The following SLX4 variants were observed in gnomAD, a reference collection of about 807,000 sequenced individuals.
SLX4 encodes the protein SLX4 structure-specific endonuclease subunit, also known as structure-specific endonuclease subunit SLX4.
In SLX4, 112 loss-of-function variants were observed where a neutral mutation model predicts 146.2. The ratio of observed to expected loss-of-function variants is 0.77; its 90% confidence interval spans 0.66 to 0.90. The LOEUF is 0.90. SLX4 is among the 40% of genes least tolerant of loss of function. The pLI, the probability that SLX4 is intolerant of heterozygous loss-of-function variation, is 0.00. For missense variants in SLX4, 2,563 were observed against 2,392.7 expected (o/e 1.07, Z -1.49); for synonymous variants, 1,061 against 997.7 (o/e 1.06, Z -1.20).
chr16:3,583,045 A>G, intron 14 of SLX4, 52 bp downstream of exon 14: 4 of 1,603,020 alleles, frequency 2.5e-6, no homozygotes, highest in Non-Finnish European at 3.4e-6. Context: ...CCTCACGCCC[A>G]CGGGCCAGAG....
chr16:3,587,841 G>A (rs995148098), intron 12 of SLX4, among the ~76,000 whole-genome samples: 4 of 152,156 alleles, frequency 2.6e-5, no homozygotes, highest in African/African-American at 7.2e-5. Context: ...CCCCCAGGCC[G>A]CAGGCAGGTG....
Position 3,608,904 on chromosome 16 carries a change from A to ACAGATGAG in SLX4, c.53_60dup (p.Ser21LeufsTer26). 1 of 1,614,208 alleles carries ACAGATGAG rather than the reference A, an allele frequency of 6.2e-7. No homozygotes were observed. Among genetic ancestry groups the ACAGATGAG allele is most frequent in the South Asian group, 1.1e-5 (1 of 91,090 alleles). ...CGAGGGTCAATCCCAGGACAGGCAG[A>ACAGATGAG]CAGATGAGAAAGTGAACCCAAGTAG... On this transcript the variant is annotated frameshift_variant, in exon 2 of 15. Transcript: ENST00000294008. LOFTEE classifies it high-confidence loss of function.
At position 3,589,912 on chromosome 16, in the gene SLX4, C is replaced by G. The variant is rs2040561177; in HGVS notation, c.3726G>C (p.Glu1242Asp). 1 of 1,613,890 alleles carries G rather than the reference C, an allele frequency of 6.2e-7. No individual in the cohort carries two copies. The highest frequency in any genetic ancestry group is 1.1e-5 in the South Asian group (1 of 91,076). The change falls in exon 12 of 15, where the codon GAG becomes GAC. Residue 1242 changes from glutamate (E) to aspartate (D), a missense_variant. By Grantham distance (45) the Glu-to-Asp change is conservative. Transcript: ENST00000294008. This position sits in a 1 kb window ranked among gnomAD's most constrained non-coding sequence, Gnocchi z 6.2. ...RGAPWLFCDR[E>D]SSPSEASTTD... Reference sequence around the variant, plus strand: ...TGGTGCTGGCCTCGCTGGGGCTGCTCTCACGGTCACAGAACAGCCAGGGAG... The same window carrying G: ...TGGTGCTGGCCTCGCTGGGGCTGCTGTCACGGTCACAGAACAGCCAGGGAG...
Position 3,603,494 on chromosome 16 carries a change from A to G in SLX4, c.761-1187T>C, listed in dbSNP as rs370799312. Among the ~76,000 whole-genome samples, 3 of 152,362 alleles carry G rather than the reference A, an allele frequency of 2.0e-5. No homozygotes were observed. The East Asian group carries it at 5.8e-4, about 29-fold the overall frequency. On this transcript the variant is annotated intron_variant, in intron 3 of 14. Coordinates refer to ENST00000294008, the MANE Select transcript of SLX4 (RefSeq NM_032444.4). ...TCCTCTGCAACTCACATGTGCGTCC[A>G]GGACTGATGCCTCGGCAGGACATCA...
chr16:3,593,507 C>T lies in SLX4; in HGVS notation c.2161-642G>A, dbSNP rs1193895919. Among the ~76,000 whole-genome samples the T allele has an allele frequency of 3.9e-5, 6 of 152,214 alleles. No homozygotes were observed. The East Asian group carries it at 5.8e-4, about 15-fold the overall frequency. ...TACGGGGATCTCAGGCATGAGCCGCCGTGCCTGGTCCCTAGTCTTAAAAGC... is the reference window on the plus strand; with the variant it reads ...TACGGGGATCTCAGGCATGAGCCGCTGTGCCTGGTCCCTAGTCTTAAAAGC... On this transcript the variant is annotated intron_variant, in intron 10 of 14. Transcript: ENST00000294008.
chr16:3,589,806 GGCT>G lies in SLX4; in HGVS notation c.3829_3831del (p.Ser1277del), dbSNP rs1303839570. On this transcript the variant is annotated inframe_deletion, in exon 12 of 15. Transcript: ENST00000294008. This position sits in a 1 kb window ranked among gnomAD's most constrained non-coding sequence, Gnocchi z 6.2. The stretch of plus-strand genomic sequence containing the variant: ...GCCTGCACGGCCAGCCCGCTCCTGA[GGCT>G]GCTGATTTGGGTCTGGGAAGAACAG... 1 of 1,613,338 alleles carries G rather than the reference GGCT, an allele frequency of 6.2e-7. No individual in the cohort carries two copies. Among genetic ancestry groups the G allele is most frequent in the African/African-American group, 1.3e-5 (1 of 74,922 alleles).
chr16:3,586,779 C>T (rs2040512930), intron 12 of SLX4, among the ~76,000 whole-genome samples: 1 of 150,456 alleles, frequency 6.6e-6, no homozygotes, highest in South Asian at 2.1e-4. Context: ...GATCGTGCCA[C>T]TGCACTCTAG....
intron 3 of SLX4, among the ~76,000 whole-genome samples, chr16:3,605,121 G>T (rs561133986): frequency 1.3e-5 from 2 of 151,076 alleles, no homozygotes; most frequent in Admixed American, 6.6e-5. Context: ...TCAGAGTCTT[G>T]CTCTGTTGCC....
At position 3,608,999 on chromosome 16, in the gene SLX4, G is replaced by A. The variant is rs761077424; in HGVS notation, c.-35C>T. 5.6e-6 allele frequency: 9 copies of A among 1,604,740 alleles called. 1 individual carries two copies. In the South Asian group the frequency reaches 9.9e-5, roughly 18 times the overall value. The stretch of plus-strand genomic sequence containing the variant: ...TCTCTACTTCTCCATTAGATACTTG[G>A]AGAGTTTGCACAATTGAACAAAAAG... On this transcript the variant is annotated 5_prime_UTR_variant, in exon 2 of 15. Transcript: ENST00000294008.
At chr16:3,584,305 C>T (rs1209874591) in intron 13 of SLX4, among the ~76,000 whole-genome samples, 2 of 152,022 alleles carry the variant, frequency 1.3e-5, no homozygotes, top group Admixed American at 6.5e-5. Flanking sequence ...CCTGTAGTCC[C>T]AGCTACTCGG....
Position 3,609,325 on chromosome 16 carries a change from T to C in SLX4, c.-361A>G. On this transcript the variant is annotated 5_prime_UTR_variant, in exon 2 of 15. Coordinates refer to ENST00000294008, the MANE Select transcript of SLX4 (RefSeq NM_032444.4). ...CGGGAGGCAGAGGCAAGAGAATCGC[T>C]TGAACCTGGGAGGCGGAGATTGCAG... is the stretch of plus-strand genomic sequence containing the variant. 1.2e-5 allele frequency: 3 copies of C among 254,986 alleles called. No homozygotes were observed. Among genetic ancestry groups the C allele is most frequent in the Non-Finnish European group, 2.4e-5 (3 of 127,200 alleles). 15.8% of individuals were successfully genotyped at this position (254,986 alleles called of 1,614,324 possible).
In SLX4 at chr16:3,594,063, T is replaced by G. The variant is rs532826878; in HGVS notation, c.2160+390A>C. Among the ~76,000 whole-genome samples the G allele has an allele frequency of 2.9e-3, 435 of 152,102 alleles. 2 individuals are homozygous for G. The highest frequency in any genetic ancestry group is 5.2e-3 in the Non-Finnish European group (355 of 67,984). On this transcript the variant is annotated intron_variant, in intron 10 of 14. Coordinates refer to ENST00000294008, the MANE Select transcript of SLX4 (RefSeq NM_032444.4). Reference sequence around the variant, plus strand: ...ATTTTTTTGTATTTTTAGTAGAGACTGGTTTCACTGTGTTAGGATGGTCTT... The same window carrying G: ...ATTTTTTTGTATTTTTAGTAGAGACGGGTTTCACTGTGTTAGGATGGTCTT...
chr16:3,590,552 GGA>G lies in SLX4; in HGVS notation c.3084_3085del (p.Pro1029ThrfsTer64), dbSNP rs2040574231. 6.2e-7 allele frequency: 1 copy of G among 1,612,464 alleles called. No individual in the cohort carries two copies. The highest frequency in any genetic ancestry group is 1.3e-5 in the African/African-American group (1 of 74,892). ...CAATAGGAAGCGGCACGGGTGCGGT[GGA>G]GATGCCTGCCAGGGAGCCAGGCGAT... On this transcript the variant is annotated frameshift_variant, in exon 12 of 15. Coordinates refer to ENST00000294008, the MANE Select transcript of SLX4 (RefSeq NM_032444.4). LOFTEE classifies it high-confidence loss of function. This position sits in a 1 kb window ranked among gnomAD's most constrained non-coding sequence, Gnocchi z 4.8.
intron 8 of SLX4, 24 bp downstream of exon 8, chr16:3,596,129 C>T: frequency 6.5e-7 from 1 of 1,545,082 alleles, no homozygotes; most frequent in Non-Finnish European, 8.7e-7. Flanking sequence ...AGGGCTGGCC[C>T]TAGAGTCCCA....
In SLX4 at chr16:3,609,023, A is replaced by C; in HGVS notation, c.-59T>G. ...GGAGAGTTTGCACAATTGAACAAAA[A>C]GTACTGTTTTCCTCTCTATAATGAT... On this transcript the variant is annotated 5_prime_UTR_variant, in exon 2 of 15. Coordinates refer to ENST00000294008, the MANE Select transcript of SLX4 (RefSeq NM_032444.4). The C allele has an allele frequency of 1.3e-6, 2 of 1,571,856 alleles. No individual in the cohort carries two copies. The highest frequency in any genetic ancestry group is 1.7e-6 in the Non-Finnish European group (2 of 1,157,122).
intron 11 of SLX4, 127 bp downstream of exon 11, chr16:3,592,572 A>T: frequency 8.7e-7 from 1 of 1,144,118 alleles, no homozygotes; most frequent in Non-Finnish European, 1.3e-6. Context: ...ACTTGGGATT[A>T]AAAGGTATAA....
rs750536193 is a variant in SLX4, at chr16:3,597,664, T to A, written c.1398A>T (p.Val466=). 6.2e-7 allele frequency: 1 copy of A among 1,610,450 alleles called. No homozygotes were observed. The highest frequency in any genetic ancestry group is 1.1e-5 in the South Asian group (1 of 91,018). The stretch of plus-strand genomic sequence containing the variant: ...CCTGGACTAACAACAATGGGGGGGA[T>A]ACCGGGGGTTTCTTCTTGCGACTTT... ...ENKSRKKKPP[V]SPPLLLVQDS... Residue 466 remains valine, a synonymous_variant, in exon 7 of 15, where the codon GTA becomes GTT. Coordinates refer to ENST00000294008, the MANE Select transcript of SLX4 (RefSeq NM_032444.4). This position sits in a 1 kb window ranked among gnomAD's most constrained non-coding sequence, Gnocchi z 4.4.
Position 3,597,583 on chromosome 16 carries a change from C to G in SLX4, c.1479G>C (p.Glu493Asp), listed in dbSNP as rs757327408. Residue 493 changes from glutamate to aspartate, a missense_variant, in exon 7 of 15, where the codon GAG (glutamate) becomes GAC (aspartate). Transcript: ENST00000294008. This position sits in a 1 kb window ranked among gnomAD's most constrained non-coding sequence, Gnocchi z 4.4. ...IEDRVALLLS[E>D]EVELSSTPPL... ...GTGGCGTGCTAGACAATTCCACTTC[C>G]TCAGAGAGGAGCAGGGCCACACGGT... The G allele has an allele frequency of 6.2e-7, 1 of 1,614,130 alleles. No homozygotes were observed. Among genetic ancestry groups the G allele is most frequent in the Non-Finnish European group, 8.5e-7 (1 of 1,180,044 alleles).
rs758660775 is a variant in SLX4, at chr16:3,598,128, G to T, written c.1164-129C>A. The T allele has an allele frequency of 4.3e-5, 44 of 1,012,914 alleles. No individual in the cohort carries two copies. In the African/African-American group the frequency reaches 6.0e-4, roughly 14 times the overall value. The allele number at this position is 1,012,914 out of a possible 1,614,324, so 62.7% of individuals were successfully genotyped here. A position where few individuals can be genotyped will look rare whatever the true frequency, so the allele number is the denominator to read the frequency against. ...GGATGTGGACCTGCCAGGCAGATGC[G>T]TCCCCCACTTCCACTGCCTTGTGTG... On this transcript the variant is annotated intron_variant, in intron 5 of 14. Coordinates refer to ENST00000294008, the MANE Select transcript of SLX4 (RefSeq NM_032444.4).
Sources: allele counts gnomAD v4.1 joint callset (sites outside exome capture counted in the v4.1 genomes callset), GRCh38; gene constraint gnomAD v4.1.1; non-coding constraint Gnocchi (gnomAD v3.1); transcripts MANE v1.5; gene names NCBI Gene and HGNC (gene_info 2026-07-23, HGNC 2026-07-21).